The following TGFA variants were observed in gnomAD, a reference collection of about 807,000 sequenced individuals.
TGFA encodes protransforming growth factor alpha.
TGFA carries 12 observed loss-of-function variants against 21.7 expected under a neutral mutation model. The ratio of observed to expected loss-of-function variants is 0.55; its 90% CI spans 0.35 to 0.90. The LOEUF (loss-of-function observed/expected upper bound fraction) is 0.90, where lower values mean the gene tolerates loss of function less well. Ranked by LOEUF, TGFA falls within the 40% of genes least tolerant of loss-of-function variation. The probability of loss-of-function intolerance (pLI) is 0.01; values close to 1 mark genes in which losing one functional copy is unlikely to be tolerated. For synonymous variants in TGFA, 79 were observed against 88.1 expected, an observed-to-expected ratio of 0.90 and a Z score of 0.58; for missense variants, 178 against 210.8, an observed-to-expected ratio of 0.84 and a Z score of 0.96.
At chr2:70,453,624 G>T (rs1553490029) in intron 4 of TGFA, among the ~76,000 whole-genome samples, 1 of 152,208 alleles carries the variant, frequency 6.6e-6, no homozygotes, top group East Asian at 1.9e-4. Flanking sequence ...GAGAGAACTG[G>T]TCCTCCACTC....
intron 5 of TGFA, chr2:70,451,617 C>T: frequency 1.6e-6 from 1 of 612,422 alleles, no homozygotes; most frequent in Non-Finnish European, 2.9e-6. Flanking sequence ...CTTACTCCAC[C>T]CCAAATGACT....
At chr2:70,487,832 T>G (rs1242377510) in intron 2 of TGFA, among the ~76,000 whole-genome samples, 2 of 152,218 alleles carry the variant, frequency 1.3e-5, no homozygotes, top group Non-Finnish European at 2.9e-5. Flanking sequence ...CATTTATGAT[T>G]ATTTTTCTGA....
At chr2:70,492,229 G>A (rs186973124) in intron 2 of TGFA, among the ~76,000 whole-genome samples, 282 of 152,296 alleles carry the variant, frequency 1.9e-3, no homozygotes, top group Admixed American at 2.5e-3. Context: ...ATATTGATGC[G>A]AGCTACCCCA....
chr2:70,475,069 A>G (rs1670882130), intron 2 of TGFA, among the ~76,000 whole-genome samples: 1 of 152,040 alleles, frequency 6.6e-6, no homozygotes, highest in African/African-American at 2.4e-5. Flanking sequence ...TTTGAAGGCA[A>G]AAGCAGAGTT....
chr2:70,531,273 C>T (rs1553503695), intron 1 of TGFA, among the ~76,000 whole-genome samples: 1 of 152,122 alleles, frequency 6.6e-6, no homozygotes, highest in East Asian at 1.9e-4. Context: ...AGGCAGACAC[C>T]CCAGTGTGTC....
intron 2 of TGFA, among the ~76,000 whole-genome samples, chr2:70,476,693 T>G (rs1670944884): frequency 2.0e-5 from 3 of 152,348 alleles, no homozygotes; most frequent in African/African-American, 7.2e-5. Flanking sequence ...GGTGCCTTTT[T>G]TCATCGGCAG....
At chr2:70,452,061 A>T (rs1670075508) in intron 5 of TGFA, among the ~76,000 whole-genome samples, 1 of 152,190 alleles carries the variant, frequency 6.6e-6, no homozygotes, top group Admixed American at 6.5e-5. Flanking sequence ...CTCCCTCCAG[A>T]TGACCATGAG....
At chr2:70,516,080 G>A (rs1553501564) in intron 1 of TGFA, among the ~76,000 whole-genome samples, 1 of 152,122 alleles carries the variant, frequency 6.6e-6, no homozygotes, top group African/African-American at 2.4e-5. Context: ...TCTGGAAATG[G>A]TAGCAACCTT....
Position 70,450,135 on chromosome 2 carries a change from G to A in TGFA, c.*724C>T, listed in dbSNP as rs928364770. On this transcript the variant is annotated 3_prime_UTR_variant, in exon 6 of 6. Transcript: ENST00000295400. ...TGAAGAGGCCAGACATTTCTAATCA[G>A]TATAGCTTTTCAGTCAGCAACACAT... 2 of 152,288 alleles carry A rather than the reference G, an allele frequency of 1.3e-5. No individual in the cohort carries two copies. The highest frequency in any genetic ancestry group is 1.9e-4 in the East Asian group (1 of 5,184). 9.4% of individuals were successfully genotyped at this position (152,288 alleles called of 1,614,324 possible). A position where few individuals can be genotyped will look rare whatever the true frequency, so the allele number is the denominator to read the frequency against.
chr2:70,450,610 T>C lies in TGFA; in HGVS notation c.*249A>G. On this transcript the variant is annotated 3_prime_UTR_variant, in exon 6 of 6. Transcript: ENST00000295400. ...CCTAGGTGAACAGGAGTCCGTCTCTTTGCAGTTCTTTTTTAACAAGTCTTG... is the reference window on the plus strand; with the variant it reads ...CCTAGGTGAACAGGAGTCCGTCTCTCTGCAGTTCTTTTTTAACAAGTCTTG... 1.9e-6 allele frequency: 1 copy of C among 522,852 alleles called. No individual in the cohort carries two copies. The highest frequency in any genetic ancestry group is 3.5e-6 in the Non-Finnish European group (1 of 288,570). 32.4% of individuals were successfully genotyped at this position (522,852 alleles called of 1,614,324 possible).
intron 1 of TGFA, among the ~76,000 whole-genome samples, chr2:70,539,139 T>C (rs1402581054): frequency 6.6e-6 from 1 of 152,238 alleles, no homozygotes; most frequent in African/African-American, 2.4e-5. Context: ...TTAGGCATAA[T>C]GCTATTGCAC....
In TGFA at chr2:70,541,523, T is replaced by C. The variant is rs370556904; in HGVS notation, c.40+12205A>G. Among the ~76,000 whole-genome samples, 16 of 152,354 alleles carry C rather than the reference T, an allele frequency of 1.1e-4. No individual in the cohort carries two copies. In the South Asian group the frequency reaches 3.1e-3, roughly 30 times the overall value. On this transcript the variant is annotated intron_variant, in intron 1 of 5. Transcript: ENST00000295400. ...CACGCTGTTTGCAGATTCTGATTTC[T>C]GCTTCATTTTGGGAAAACAATGTGC...
chr2:70,536,789 T>C (rs1672980613), intron 1 of TGFA, among the ~76,000 whole-genome samples: 1 of 152,190 alleles, frequency 6.6e-6, no homozygotes, highest in Non-Finnish European at 1.5e-5. Context: ...TTTAGGAAAC[T>C]AGAAAGAGAA....
chr2:70,524,170 G>A (rs1672562048), intron 1 of TGFA, among the ~76,000 whole-genome samples: 1 of 152,160 alleles, frequency 6.6e-6, no homozygotes, highest in Non-Finnish European at 1.5e-5. Context: ...CCACTGATCT[G>A]GTGGTCCGAG....
chr2:70,544,015 T>A (rs1241012950), intron 1 of TGFA, among the ~76,000 whole-genome samples: 1 of 152,082 alleles, frequency 6.6e-6, no homozygotes, highest in African/African-American at 2.4e-5. Context: ...CCTCAAAACA[T>A]TTGAGGGAAA....
chr2:70,451,811 A>G (rs1205453545), intron 5 of TGFA: 2 of 685,344 alleles, frequency 2.9e-6, no homozygotes, highest in African/African-American at 3.6e-5. Context: ...TCTCATCCTC[A>G]CTCCCCCACT....
chr2:70,459,801 T>G (rs1273159233), intron 3 of TGFA, among the ~76,000 whole-genome samples: 1 of 152,156 alleles, frequency 6.6e-6, no homozygotes, highest in Non-Finnish European at 1.5e-5. Flanking sequence ...AGAATGCCTA[T>G]CACTCTAGTG....
In TGFA at chr2:70,465,655, G is replaced by A; in HGVS notation, c.176C>T (p.Thr59Ile). The A allele has an allele frequency of 6.2e-7, 1 of 1,614,194 alleles. No homozygotes were observed. The highest frequency in any genetic ancestry group is 1.1e-5 in the South Asian group (1 of 91,084). The change falls in exon 3 of 6, where the codon ACC becomes ATC. Residue 59 changes from threonine to isoleucine, a missense_variant. Thr to Ile is a moderately conservative substitution (Grantham distance 89, BLOSUM62 -1). Coordinates refer to ENST00000295400, the MANE Select transcript of TGFA (RefSeq NM_003236.4). ...DSHTQFCFHGTCRFLVQEDKP... is the reference protein window; with the variant it reads ...DSHTQFCFHGICRFLVQEDKP... The stretch of plus-strand genomic sequence containing the variant: ...GTCCTCCTGCACCAAAAACCTGCAG[G>A]TTCCATGGAAGCAGAACTGAGTGTG...
chr2:70,472,197 G>A (rs1231175386), intron 2 of TGFA, among the ~76,000 whole-genome samples: 1 of 152,176 alleles, frequency 6.6e-6, no homozygotes, highest in Non-Finnish European at 1.5e-5. Context: ...CCCAAGATGT[G>A]CCAGCTGAGG....
Sources: gnomAD v4.1 joint callset for allele counts (sites outside exome capture counted in the v4.1 genomes callset) on GRCh38, gnomAD v4.1.1 for gene constraint, MANE v1.5 for transcripts, NCBI Gene and HGNC (gene_info 2026-07-23, HGNC 2026-07-21) for gene names.